The following SPINT1 variants were observed in gnomAD, a reference collection of about 807,000 sequenced individuals.
SPINT1 encodes the protein serine peptidase inhibitor, Kunitz type 1, also known as kunitz-type protease inhibitor 1.
SPINT1 carries 38 observed loss-of-function variants against 53.7 expected under a neutral mutation model. That is an observed-to-expected ratio of 0.71 (90% confidence interval 0.55 to 0.93). SPINT1 has a LOEUF of 0.93. SPINT1 is among the 40% of genes least tolerant of loss of function. SPINT1 has a pLI of 0.00. For synonymous variants in SPINT1, 283 were observed against 280.6 expected (o/e 1.01, Z -0.08); for missense variants, 645 against 692.9 (o/e 0.93, Z 0.78).
At position 40,854,484 on chromosome 15, in the gene SPINT1, A is replaced by G. The variant is rs774735884; in HGVS notation, c.1028A>G (p.Asn343Ser). Residue 343 changes from asparagine (N) to serine (S), a missense_variant, in exon 7 of 11, where the codon AAC (asparagine) becomes AGC (serine). Physicochemically the swap from Asn to Ser is conservative, Grantham distance 46 (BLOSUM62 1). Coordinates refer to ENST00000562057, the MANE Select transcript of SPINT1 (RefSeq NM_003710.4). ...DSFLECDDTP[N>S]CPDASDEAAC... ...TTCCTGGAGTGTGACGACACCCCCA[A>G]CTGCCCCGACGCCTCCGACGAGGCT... 89 of 1,613,392 alleles carry G rather than the reference A, an allele frequency of 5.5e-5. No homozygotes were observed. The highest frequency in any genetic ancestry group is 2.7e-4 in the South Asian group (25 of 91,062).
intron 2 of SPINT1, among the ~76,000 whole-genome samples, chr15:40,846,667 G>A (rs1358712375): frequency 6.6e-6 from 1 of 152,188 alleles, no homozygotes; most frequent in African/African-American, 2.4e-5. Flanking sequence ...CCAGAACTGG[G>A]CTGGGGCCAC....
chr15:40,853,922 C>T, intron 5 of SPINT1, 41 bp downstream of exon 5: 1 of 1,614,076 alleles, frequency 6.2e-7, no homozygotes, highest in East Asian at 2.2e-5. Context: ...AGGCGACTTT[C>T]CCCCAGGGTG....
chr15:40,844,510 C>A lies in SPINT1; in HGVS notation c.-45C>A. On this transcript the variant is annotated 5_prime_UTR_variant, in exon 2 of 11. Coordinates refer to ENST00000562057, the MANE Select transcript of SPINT1 (RefSeq NM_003710.4). The surrounding 1 kb of genome is among the most constrained non-coding windows in gnomAD (Gnocchi z 5.8). ...CTCAGGTCACCAGCACCCTCGGAAC[C>A]CAGAGGCCCGCGCTCTGAAGGTGAC... 6.3e-7 allele frequency: 1 copy of A among 1,583,868 alleles called. No individual in the cohort carries two copies. Among genetic ancestry groups the A allele is most frequent in the South Asian group, 1.1e-5 (1 of 90,420 alleles).
At chr15:40,852,003 A>G (rs538946996) in intron 2 of SPINT1, among the ~76,000 whole-genome samples, 9 of 152,370 alleles carry the variant, frequency 5.9e-5, no homozygotes, top group Non-Finnish European at 1.2e-4. Flanking sequence ...CCTGGATGAA[A>G]GAGTGAGACT....
intron 2 of SPINT1, among the ~76,000 whole-genome samples, chr15:40,845,587 G>T (rs1195007104): frequency 6.6e-6 from 1 of 152,190 alleles, no homozygotes; most frequent in Non-Finnish European, 1.5e-5. Context: ...GGGGACATGA[G>T]TAGGGAGGGC....
At chr15:40,848,536 G>A (rs1318726058) in intron 2 of SPINT1, among the ~76,000 whole-genome samples, 1 of 152,132 alleles carries the variant, frequency 6.6e-6, no homozygotes, top group Non-Finnish European at 1.5e-5. Context: ...TCCTATAATT[G>A]AATACTGTGA....
At chr15:40,848,644 T>G (rs1370849056) in intron 2 of SPINT1, among the ~76,000 whole-genome samples, 1 of 152,190 alleles carries the variant, frequency 6.6e-6, no homozygotes, top group Non-Finnish European at 1.5e-5. Context: ...TAGGGACTGT[T>G]TAAATAAATT....
In SPINT1 at chr15:40,844,688, C is replaced by T; in HGVS notation, c.134C>T (p.Pro45Leu). 1.9e-6 allele frequency: 3 copies of T among 1,606,894 alleles called. No individual in the cohort carries two copies. The highest frequency in any genetic ancestry group is 2.5e-6 in the Non-Finnish European group (3 of 1,176,814). ...CCACCGCCCGCGCCCCCTGGGCTGC[C>T]CGCGGGAGCCGACTGCCTGAACAGC... ...AGPPPAPPGL[P>L]AGADCLNSFT... Residue 45 changes from proline (P) to leucine (L), a missense_variant, in exon 2 of 11, where the codon CCC becomes CTC. Physicochemically the swap from Pro to Leu is moderately conservative, Grantham distance 98. Coordinates refer to ENST00000562057, the MANE Select transcript of SPINT1 (RefSeq NM_003710.4). The surrounding 1 kb of genome is among the most constrained non-coding windows in gnomAD (Gnocchi z 5.8).
rs145330357 is a variant in SPINT1, at chr15:40,853,236, G to A, written c.588G>A (p.Thr196=). 2.5e-4 allele frequency: 398 copies of A among 1,614,040 alleles called. 1 individual carries two copies. The highest frequency in any genetic ancestry group is 4.9e-4 in the Middle Eastern group (3 of 6,082). The change falls in exon 3 of 11, where the codon ACG becomes ACA. Residue 196 remains threonine (T), a synonymous_variant. Coordinates refer to ENST00000562057, the MANE Select transcript of SPINT1 (RefSeq NM_003710.4). The stretch of plus-strand genomic sequence containing the variant: ...ATTGGCGCCTACTGCGGGGTGACAC[G>A]GATGTCAGGGTAGAGGTGAGACACT... The part of the protein sequence containing the change: ...NTDWRLLRGD[T]DVRVERKDPN...
At chr15:40,855,207 C>A (rs904628842) in intron 8 of SPINT1, among the ~76,000 whole-genome samples, 3 of 151,940 alleles carry the variant, frequency 2.0e-5, no homozygotes, top group African/African-American at 7.3e-5. Flanking sequence ...ATGGCAAAAC[C>A]CCATCTCTAC....
intron 2 of SPINT1, among the ~76,000 whole-genome samples, chr15:40,847,721 G>A (rs1891337991): frequency 6.6e-6 from 1 of 152,096 alleles, no homozygotes; most frequent in African/African-American, 2.4e-5. Flanking sequence ...CCTGCTCCTT[G>A]GTCCTGGGGG....
At position 40,844,803 on chromosome 15, in the gene SPINT1, G is replaced by C. The variant is rs1891234711; in HGVS notation, c.249G>C (p.Arg83=). 6.2e-7 allele frequency: 1 copy of C among 1,613,384 alleles called. No homozygotes were observed. Among genetic ancestry groups the C allele is most frequent in the East Asian group, 2.2e-5 (1 of 44,878 alleles). ...ATFLESPTVR[R]GWDCVRACCT... ...TCCTGGAGTCCCCCACCGTGCGCCGGGGCTGGGACTGCGTGCGCGCCTGCT... is the reference window on the plus strand; with the variant it reads ...TCCTGGAGTCCCCCACCGTGCGCCGCGGCTGGGACTGCGTGCGCGCCTGCT... Residue 83 remains arginine (R), a synonymous_variant, in exon 2 of 11, where the codon CGG becomes CGC. Transcript: ENST00000562057. This position sits in a 1 kb window ranked among gnomAD's most constrained non-coding sequence, Gnocchi z 5.8.
rs1006823928 is a variant in SPINT1 at position 40,844,229 on chromosome 15, C to A, written c.-66+43C>A. 2 of 437,880 alleles carry A rather than the reference C, an allele frequency of 4.6e-6. No individual in the cohort carries two copies. The highest frequency in any genetic ancestry group is 2.1e-5 in the African/African-American group (1 of 46,772). The allele number at this position is 437,880 out of a possible 1,614,324, so 27.1% of individuals were successfully genotyped here. A position where few individuals can be genotyped will look rare whatever the true frequency, so the allele number is the denominator to read the frequency against. Reference sequence around the variant, plus strand: ...GCGCAAGGCCGAGGCGCAGGCGGAGCGGGCTGGAGCATGTCCGGCCCTTTG... The same window carrying A: ...GCGCAAGGCCGAGGCGCAGGCGGAGAGGGCTGGAGCATGTCCGGCCCTTTG... On this transcript the variant is annotated intron_variant, in intron 1 of 10. Coordinates refer to ENST00000562057, the MANE Select transcript of SPINT1 (RefSeq NM_003710.4). This position sits in a 1 kb window ranked among gnomAD's most constrained non-coding sequence, Gnocchi z 5.8.
chr15:40,854,041 T>C lies in SPINT1; in HGVS notation c.914-19T>C. On this transcript the variant is annotated intron_variant, in intron 5 of 10. Transcript: ENST00000562057. ...GGAGCCTGGTCATGCCTCCTCTCAT[T>C]CTCTGTTCTCTCTCCCAGGCCCCTC... is the stretch of plus-strand genomic sequence containing the variant. The C allele has an allele frequency of 6.4e-7, 1 of 1,562,066 alleles. No homozygotes were observed. Among genetic ancestry groups the C allele is most frequent in the Non-Finnish European group, 8.7e-7 (1 of 1,154,802 alleles).
Position 40,855,889 on chromosome 15 carries a change from C to T in SPINT1, c.1118-3C>T. 2 of 1,613,530 alleles carry T rather than the reference C, an allele frequency of 1.2e-6. No individual in the cohort carries two copies. The highest frequency in any genetic ancestry group is 8.5e-7 in the Non-Finnish European group (1 of 1,179,614). ...TCACCATAGCCTACCCCATACCCCC[C>T]AGGGCACTGCGTGGACCTGCCAGAC... On this transcript the variant is annotated splice_polypyrimidine_tract_variant and splice_region_variant and intron_variant, in intron 8 of 10. Coordinates refer to ENST00000562057, the MANE Select transcript of SPINT1 (RefSeq NM_003710.4).
intron 2 of SPINT1, among the ~76,000 whole-genome samples, chr15:40,847,634 G>A (rs1351130443): frequency 6.6e-6 from 1 of 152,128 alleles, no homozygotes; most frequent in East Asian, 1.9e-4. Flanking sequence ...AACTAACTGG[G>A]GGAGGGGCTG....
At chr15:40,854,353 C>T (rs757144564) in intron 6 of SPINT1, 44 bp from the exon 7 acceptor site, 1 of 1,516,844 alleles carries the variant, frequency 6.6e-7, no homozygotes. Context: ...GGGCCCTGGG[C>T]ACTTGTTCTT....
rs201206539 is a variant in SPINT1, at chr15:40,853,127, C to G, written c.479C>G (p.Ser160Cys). 1 of 1,613,796 alleles carries G rather than the reference C, an allele frequency of 6.2e-7. No homozygotes were observed. The highest frequency in any genetic ancestry group is 2.2e-5 in the East Asian group (1 of 44,866). The change falls in exon 3 of 11, where the codon TCT becomes TGT. Residue 160 changes from serine (S) to cysteine (C), a missense_variant. Coordinates refer to ENST00000562057, the MANE Select transcript of SPINT1 (RefSeq NM_003710.4). ...RQLRTQGFGG[S>C]GIPKAWAGID... ...TCTCACTTTCTCTCCCCGCCAGGGTCTGGGATCCCCAAGGCCTGGGCAGGC... is the reference window on the plus strand; with the variant it reads ...TCTCACTTTCTCTCCCCGCCAGGGTGTGGGATCCCCAAGGCCTGGGCAGGC...
chr15:40,849,008 A>T (rs1443703110), intron 2 of SPINT1, among the ~76,000 whole-genome samples: 4 of 147,502 alleles, frequency 2.7e-5, no homozygotes, highest in Non-Finnish European at 3.0e-5. Flanking sequence ...GAACTTTGGG[A>T]GGCCGGGGCG....
Sources: allele counts gnomAD v4.1 joint callset (sites outside exome capture counted in the v4.1 genomes callset), GRCh38; gene constraint gnomAD v4.1.1; non-coding constraint Gnocchi (gnomAD v3.1); transcripts MANE v1.5; gene names NCBI Gene and HGNC (gene_info 2026-07-23, HGNC 2026-07-21).